Variants in PHF21B observed in about 807,000 individuals in gnomAD.
PHF21B encodes the protein PHD finger protein 4.
PHF21B carries 22 observed loss-of-function variants against 62.2 expected under a neutral mutation model. That is an observed-to-expected ratio of 0.35 (90% CI 0.25 to 0.51). PHF21B has a LOEUF of 0.51. Among genes scored for constraint, PHF21B ranks in the 20% least tolerant of loss-of-function variants. The pLI, the probability that PHF21B is intolerant of heterozygous loss-of-function variation, is 0.97. For missense variants in PHF21B, 701 were observed against 707.9 expected, an observed-to-expected ratio of 0.99 and a Z score of 0.11; for synonymous variants, 341 against 314.7, an observed-to-expected ratio of 1.08 and a Z score of -0.88.
At chr22:44,925,708 A>G (rs1047703251) in intron 2 of PHF21B, among the ~76,000 whole-genome samples, 4 of 152,192 alleles carry the variant, frequency 2.6e-5, no homozygotes, top group African/African-American at 9.6e-5. Flanking sequence ...GGCAGCACTG[A>G]GACCACCTCA....
intron 2 of PHF21B, among the ~76,000 whole-genome samples, chr22:44,997,516 T>C (rs1166525426): frequency 6.6e-6 from 1 of 152,172 alleles, no homozygotes; most frequent in Non-Finnish European, 1.5e-5. Context: ...TTATCTGTGG[T>C]GCATTTATTA....
At position 44,916,419 on chromosome 22, in the gene PHF21B, G is replaced by C. The variant is rs751148938; in HGVS notation, c.425C>G (p.Pro142Arg). ...ALAEPAALAS[P>R]LSSAGVAYAI... ...GTAGGCCACCCCCGCACTGCTCAGC[G>C]GAGAGGCGAGGGCGGCGGGCTCGGC... The change falls in exon 4 of 13, where the codon CCG becomes CGG. Residue 142 changes from proline to arginine, a missense_variant. By Grantham distance (103) the Pro-to-Arg change is moderately radical (BLOSUM62 -2). Coordinates refer to ENST00000313237, the MANE Select transcript of PHF21B (RefSeq NM_138415.5). The C allele has an allele frequency of 3.1e-6, 5 of 1,597,550 alleles. No individual in the cohort carries two copies. In the South Asian group the frequency reaches 5.5e-5, roughly 18 times the overall value.
At chr22:44,923,292 C>A (rs1203795335) in intron 2 of PHF21B, among the ~76,000 whole-genome samples, 2 of 145,034 alleles carry the variant, frequency 1.4e-5, no homozygotes, top group Non-Finnish European at 3.0e-5. Flanking sequence ...ATACTAAAAT[C>A]GAACAGAAAA....
Position 44,896,092 on chromosome 22 carries a change from AG to A in PHF21B, c.832-10del. On this transcript the variant is annotated splice_polypyrimidine_tract_variant and intron_variant, in intron 5 of 12. Coordinates refer to ENST00000313237, the MANE Select transcript of PHF21B (RefSeq NM_138415.5). ...ACCATGAAGGCGATTTTCTGAGGGA[AG>A]GAACAGACAAAGGAGCATTAACACA... 1 of 1,614,174 alleles carries A rather than the reference AG, an allele frequency of 6.2e-7. No homozygotes were observed. The highest frequency in any genetic ancestry group is 8.5e-7 in the Non-Finnish European group (1 of 1,180,010).
At chr22:44,983,743 T>C (rs973061744) in intron 2 of PHF21B, among the ~76,000 whole-genome samples, 2 of 152,160 alleles carry the variant, frequency 1.3e-5, no homozygotes, top group African/African-American at 2.4e-5. Flanking sequence ...TCACAGACTG[T>C]TTACAAACTG....
intron 3 of PHF21B, 126 bp from the exon 4 acceptor site, chr22:44,916,756 C>T: frequency 2.3e-6 from 2 of 853,378 alleles, no homozygotes; most frequent in Non-Finnish European, 3.7e-6. Flanking sequence ...AGCACAGCGC[C>T]TGTCACGGCC....
chr22:44,885,446 G>A lies in PHF21B; in HGVS notation c.1357C>T (p.Arg453Trp), dbSNP rs778581194. ...EHQQLEERDR[R>W]LASAVQKCLE... ...CACACCTGCACTGCTGACGCCAGCC[G>A]CCGGTCCCGCTCCTCCAGCTGCTGG... The change falls in exon 12 of 13, where the codon CGG (arginine) becomes TGG (tryptophan). Residue 453 changes from arginine to tryptophan, a missense_variant. Physicochemically the swap from Arg to Trp is moderately radical, Grantham distance 101. Transcript: ENST00000313237. 8.2e-6 allele frequency: 13 copies of A among 1,586,924 alleles called. No individual in the cohort carries two copies. Among genetic ancestry groups the A allele is most frequent in the South Asian group, 1.1e-5 (1 of 87,430 alleles).
intron 2 of PHF21B, among the ~76,000 whole-genome samples, chr22:44,936,796 C>T (rs4823422): frequency 0.63 from 94,851 of 151,552 alleles, 30,923 homozygotes; most frequent in Admixed American, 0.72. Context: ...GCTCTCACTG[C>T]GCTTTTATTA....
chr22:44,964,835 A>G (rs544963917), intron 2 of PHF21B, among the ~76,000 whole-genome samples: 1 of 152,322 alleles, frequency 6.6e-6, no homozygotes, highest in African/African-American at 2.4e-5. Flanking sequence ...CTGGGCCTGA[A>G]GCCGCCTCTC....
intron 5 of PHF21B, among the ~76,000 whole-genome samples, chr22:44,901,046 G>A (rs2071150303): frequency 6.6e-6 from 1 of 152,272 alleles, no homozygotes; most frequent in Non-Finnish European, 1.5e-5. Flanking sequence ...AATCCTGTGA[G>A]ATGTGCACTC....
chr22:44,916,302 A>G lies in PHF21B; in HGVS notation c.542T>C (p.Leu181Pro). 1.2e-6 allele frequency: 2 copies of G among 1,605,966 alleles called. No individual in the cohort carries two copies. Among genetic ancestry groups the G allele is most frequent in the Admixed American group, 1.7e-5 (1 of 57,646 alleles). Residue 181 changes from leucine to proline, a missense_variant, in exon 4 of 13, where the codon CTC (leucine) becomes CCC (proline). Coordinates refer to ENST00000313237, the MANE Select transcript of PHF21B (RefSeq NM_138415.5). ...VVSDSIKVQP[L>P]LISADNKPPP... ...CACCTTGTTGTCAGCACTGATGAGGAGGGGCTGGACTTTGATGCTGTCACT... is the reference window on the plus strand; with the variant it reads ...CACCTTGTTGTCAGCACTGATGAGGGGGGGCTGGACTTTGATGCTGTCACT...
intron 2 of PHF21B, among the ~76,000 whole-genome samples, chr22:44,961,565 G>A (rs2072421018): frequency 6.6e-6 from 1 of 152,098 alleles, no homozygotes; most frequent in East Asian, 1.9e-4. Context: ...TACAGGCTGG[G>A]CGTGGTGGCT....
At chr22:44,952,884 C>T (rs147901663) in intron 2 of PHF21B, among the ~76,000 whole-genome samples, 2 of 152,184 alleles carry the variant, frequency 1.3e-5, no homozygotes, top group African/African-American at 4.8e-5. Flanking sequence ...CAGGATTCAG[C>T]CCCTGTGTCG....
At chr22:44,933,283 GT>G (rs1460596969) in intron 2 of PHF21B, among the ~76,000 whole-genome samples, 3 of 152,054 alleles carry the variant, frequency 2.0e-5, no homozygotes, top group Non-Finnish European at 4.4e-5. Flanking sequence ...GGCTAATTTT[GT>G]ATTTTTGGTA....
At chr22:44,897,884 C>G (rs1018945011) in intron 5 of PHF21B, among the ~76,000 whole-genome samples, 1 of 152,178 alleles carries the variant, frequency 6.6e-6, no homozygotes, top group Non-Finnish European at 1.5e-5. Flanking sequence ...TCATAGCTCA[C>G]TGCAGCCTCA....
intron 3 of PHF21B, among the ~76,000 whole-genome samples, chr22:44,918,434 C>A (rs1569227440): frequency 6.6e-6 from 1 of 152,224 alleles, no homozygotes; most frequent in Non-Finnish European, 1.5e-5. Context: ...CTGAGCCACC[C>A]CACAGAGAAC....
At chr22:44,883,541 T>C (rs2070775178) in intron 12 of PHF21B, among the ~76,000 whole-genome samples, 1 of 152,162 alleles carries the variant, frequency 6.6e-6, no homozygotes, top group African/African-American at 2.4e-5. Context: ...CCTGGGAACG[T>C]CCTTCCCATG....
intron 2 of PHF21B, among the ~76,000 whole-genome samples, chr22:45,001,626 G>C (rs761676): frequency 6.6e-6 from 1 of 152,094 alleles, no homozygotes; most frequent in Admixed American, 6.5e-5. Flanking sequence ...CTTATAGAGT[G>C]AGATGTCACC....
intron 2 of PHF21B, among the ~76,000 whole-genome samples, chr22:44,957,695 A>T (rs1416158894): frequency 6.6e-6 from 1 of 152,148 alleles, no homozygotes; most frequent in East Asian, 1.9e-4. Context: ...CCCTGTTGCT[A>T]ACCTAAATAG....
Sources: allele counts gnomAD v4.1 joint callset (sites outside exome capture counted in the v4.1 genomes callset), GRCh38; gene constraint gnomAD v4.1.1; transcripts MANE v1.5; gene names NCBI Gene and HGNC (gene_info 2026-07-23, HGNC 2026-07-21).